The following TRPC4 variants were observed in gnomAD, a reference collection of about 807,000 sequenced individuals.
TRPC4 encodes the protein short transient receptor potential channel 4.
A neutral mutation model predicts 99.4 loss-of-function variants in TRPC4; 49 were observed. The ratio of observed to expected loss-of-function variants is 0.49; its 90% CI spans 0.39 to 0.63. TRPC4 has a LOEUF of 0.63. Among genes scored for constraint, TRPC4 ranks in the 20% least tolerant of loss-of-function variants. The pLI, the probability that TRPC4 is intolerant of heterozygous loss-of-function variation, is 0.00. For synonymous variants in TRPC4, 454 were observed against 425.9 expected (o/e 1.07, Z -0.81); for missense variants, 898 against 1,152.9 (o/e 0.78, Z 3.20).
At chr13:37,706,572 C>T (rs1954284016) in intron 3 of TRPC4, among the ~76,000 whole-genome samples, 1 of 151,970 alleles carries the variant, frequency 6.6e-6, no homozygotes, top group Non-Finnish European at 1.5e-5. Context: ...TGGTGTGCTG[C>T]ACCCATTAAC....
Position 37,823,619 on chromosome 13 carries a change from C to A in TRPC4, c.-27-40259G>T, listed in dbSNP as rs550756266. Among the ~76,000 whole-genome samples, 326 of 151,638 alleles carry A rather than the reference C, an allele frequency of 2.1e-3. 2 individuals are homozygous for A. The highest frequency in any genetic ancestry group is 7.4e-3 in the African/African-American group (307 of 41,310). ...TTATTTCTGAGGGCTCTGTTCTGTT[C>A]CATTGATCTATATCTCTGTTTTGGT... On this transcript the variant is annotated intron_variant, in intron 1 of 10. Coordinates refer to ENST00000379705, the MANE Select transcript of TRPC4 (RefSeq NM_016179.4).
intron 1 of TRPC4, among the ~76,000 whole-genome samples, chr13:37,827,026 T>C (rs1185519958): frequency 6.6e-6 from 1 of 152,110 alleles, no homozygotes; most frequent in Admixed American, 6.5e-5. Flanking sequence ...ATTCGTTTCA[T>C]CTTCCATTGC....
At chr13:37,825,171 T>A (rs2139560495) in intron 1 of TRPC4, among the ~76,000 whole-genome samples, 1 of 152,256 alleles carries the variant, frequency 6.6e-6, no homozygotes, top group African/African-American at 2.4e-5. Context: ...CTTTTTTTCT[T>A]TAGTAGTCTT....
intron 2 of TRPC4, among the ~76,000 whole-genome samples, chr13:37,780,766 C>T (rs959357183): frequency 6.6e-6 from 1 of 151,926 alleles, no homozygotes; most frequent in African/African-American, 2.4e-5. Context: ...TTTCATTGTG[C>T]AAGATACCAA....
chr13:37,668,159 G>A (rs920570620), intron 5 of TRPC4, among the ~76,000 whole-genome samples: 2 of 152,096 alleles, frequency 1.3e-5, no homozygotes, highest in African/African-American at 2.4e-5. Flanking sequence ...ACACACATAG[G>A]TTTTCTAGGA....
intron 1 of TRPC4, among the ~76,000 whole-genome samples, chr13:37,861,282 G>A (rs1482060254): frequency 6.6e-6 from 1 of 151,296 alleles, no homozygotes; most frequent in African/African-American, 2.4e-5. Context: ...AAAAATCAGA[G>A]GCTAAAATGT....
At chr13:37,776,985 A>G (rs1336339959) in intron 2 of TRPC4, among the ~76,000 whole-genome samples, 2 of 151,998 alleles carry the variant, frequency 1.3e-5, no homozygotes, top group African/African-American at 2.4e-5. Flanking sequence ...GCTAGTACCA[A>G]TATCTTACTT....
intron 8 of TRPC4, among the ~76,000 whole-genome samples, chr13:37,639,756 T>TATATAC (rs1951657866): frequency 6.6e-6 from 1 of 151,062 alleles, no homozygotes; most frequent in Admixed American, 6.6e-5. Flanking sequence ...TATATATATA[T>TATATAC]ATATAATATC....
At chr13:37,641,685 G>A (rs1252674542) in intron 8 of TRPC4, among the ~76,000 whole-genome samples, 2 of 152,084 alleles carry the variant, frequency 1.3e-5, no homozygotes, top group Non-Finnish European at 2.9e-5. Flanking sequence ...AGAAAGTGTG[G>A]TGTGATATTA....
chr13:37,809,032 T>C (rs920581297), intron 1 of TRPC4, among the ~76,000 whole-genome samples: 1 of 152,100 alleles, frequency 6.6e-6, no homozygotes, highest in Non-Finnish European at 1.5e-5. Context: ...TTGTTTCTGT[T>C]ACCAGCAAAC....
intron 1 of TRPC4, among the ~76,000 whole-genome samples, chr13:37,808,869 C>T (rs1338196738): frequency 2.0e-5 from 3 of 151,354 alleles, no homozygotes; most frequent in Non-Finnish European, 4.4e-5. Flanking sequence ...TCCATCTCAC[C>T]GTATGTACAA....
intron 2 of TRPC4, among the ~76,000 whole-genome samples, chr13:37,758,503 T>G (rs1281927312): frequency 6.6e-6 from 1 of 151,812 alleles, no homozygotes; most frequent in Non-Finnish European, 1.5e-5. Flanking sequence ...ATGGAAATGT[T>G]TATTCTTATT....
chr13:37,743,670 T>C (rs1235930246), intron 3 of TRPC4, among the ~76,000 whole-genome samples: 1 of 152,158 alleles, frequency 6.6e-6, no homozygotes, highest in African/African-American at 2.4e-5. Flanking sequence ...AAACAGTTAT[T>C]AAGGAAATTA....
intron 1 of TRPC4, among the ~76,000 whole-genome samples, chr13:37,829,987 GC>G (rs1426349854): frequency 6.6e-6 from 1 of 152,158 alleles, no homozygotes; most frequent in Non-Finnish European, 1.5e-5. Context: ...GTTGGATGGG[GC>G]TGAGTGCAGT....
chr13:37,823,904 G>A (rs1360130189), intron 1 of TRPC4, among the ~76,000 whole-genome samples: 2 of 150,030 alleles, frequency 1.3e-5, no homozygotes. Flanking sequence ...CTACTCATGA[G>A]CATGGAATGT....
intron 1 of TRPC4, among the ~76,000 whole-genome samples, chr13:37,804,019 A>G (rs1435840929): frequency 6.6e-6 from 1 of 152,132 alleles, no homozygotes; most frequent in Non-Finnish European, 1.5e-5. Flanking sequence ...GGAGGATGAC[A>G]GCCTAGAAGC....
Position 37,778,267 on chromosome 13 carries a change from C to G in TRPC4, c.378+4689G>C, listed in dbSNP as rs1007959828. ...TGTGATCTGGGACATATTATTACGT[C>G]ACTTAAGCCTTTTAATACTTTCATT... is the stretch of plus-strand genomic sequence containing the variant. On this transcript the variant is annotated intron_variant, in intron 2 of 10. Coordinates refer to ENST00000379705, the MANE Select transcript of TRPC4 (RefSeq NM_016179.4). Among the ~76,000 whole-genome samples, 12 of 151,198 alleles carry G rather than the reference C, an allele frequency of 7.9e-5. 1 individual carries two copies. Among genetic ancestry groups the G allele is most frequent in the Admixed American group, 6.6e-4 (10 of 15,196 alleles).
intron 2 of TRPC4, among the ~76,000 whole-genome samples, chr13:37,758,231 T>G (rs1444632030): frequency 2.0e-5 from 3 of 151,754 alleles, no homozygotes; most frequent in African/African-American, 4.8e-5. Flanking sequence ...AAAAAGAAAA[T>G]AAAATGTAAA....
intron 1 of TRPC4, among the ~76,000 whole-genome samples, chr13:37,866,105 A>G (rs1354952917): frequency 6.6e-6 from 1 of 151,810 alleles, no homozygotes; most frequent in Non-Finnish European, 1.5e-5. Context: ...GACAGAATAT[A>G]ATTAATGAAT....
Sources: gnomAD v4.1 joint callset for allele counts (sites outside exome capture counted in the v4.1 genomes callset) on GRCh38, gnomAD v4.1.1 for gene constraint, MANE v1.5 for transcripts, NCBI Gene and HGNC (gene_info 2026-07-23, HGNC 2026-07-21) for gene names.